The following STX3 variants were observed in gnomAD, a reference collection of about 807,000 sequenced individuals.
The protein encoded by STX3 is syntaxin 3.
In STX3, 19 loss-of-function variants were observed where a neutral mutation model predicts 40.2. That is an observed-to-expected ratio of 0.47 (90% CI 0.33 to 0.69). The LOEUF (loss-of-function observed/expected upper bound fraction) is 0.69, where lower values mean the gene tolerates loss of function less well. STX3 is among the 30% of genes least tolerant of loss of function. The probability of loss-of-function intolerance (pLI) is 0.02; values close to 1 mark genes in which losing one functional copy is unlikely to be tolerated. For missense variants in STX3, 364 were observed against 366.7 expected, an observed-to-expected ratio of 0.99 and a Z score of 0.06; for synonymous variants, 122 against 132.2, an observed-to-expected ratio of 0.92 and a Z score of 0.53.
chr11:59,766,038 GACCAGATAT>G (rs1443446170), intron 1 of STX3, among the ~76,000 whole-genome samples: 1 of 152,192 alleles, frequency 6.6e-6, no homozygotes, highest in African/African-American at 2.4e-5. Context: ...GGAAGTTAAG[GACCAGATAT>G]ACCCTTTCCC....
At chr11:59,800,437 G>C in intron 10 of STX3, 1 of 985,338 alleles carries the variant, frequency 1.0e-6, no homozygotes, top group Non-Finnish European at 1.2e-6. Context: ...TTTTCCATAG[G>C]CTTTTCATTG....
In STX3 at chr11:59,772,689, T is replaced by G. The variant is rs192521478; in HGVS notation, c.31-522T>G. ...CTGTTGCCATGTTTTAGCTGTGTGG[T>G]TTTTGCCAAGTTACCTAACCTCCCT... On this transcript the variant is annotated intron_variant, in intron 1 of 10. Transcript: ENST00000337979. Among the ~76,000 whole-genome samples, 206 of 152,172 alleles carry G rather than the reference T, an allele frequency of 1.4e-3. 2 individuals are homozygous for G. The South Asian group carries it at 0.014, about 11-fold the overall frequency.
intron 1 of STX3, among the ~76,000 whole-genome samples, chr11:59,759,801 T>C: frequency 6.6e-6 from 1 of 152,218 alleles, no homozygotes; most frequent in South Asian, 2.1e-4. Flanking sequence ...TGTGGAATCA[T>C]AGTTCCTTAG....
At chr11:59,790,093 G>A (rs1865028476) in intron 4 of STX3, among the ~76,000 whole-genome samples, 1 of 152,194 alleles carries the variant, frequency 6.6e-6, no homozygotes, top group Non-Finnish European at 1.5e-5. Context: ...GCAGATTCCA[G>A]TAATAACAGT....
intron 9 of STX3, among the ~76,000 whole-genome samples, chr11:59,796,307 C>T (rs1227115524): frequency 2.6e-5 from 4 of 152,214 alleles, no homozygotes; most frequent in African/African-American, 9.7e-5. Context: ...TATTTGCCCA[C>T]CCTCTGGTGC....
chr11:59,782,731 A>G (rs1359777458), intron 2 of STX3, among the ~76,000 whole-genome samples: 1 of 151,980 alleles, frequency 6.6e-6, no homozygotes, highest in East Asian at 1.9e-4. Flanking sequence ...GGTGGCTCAT[A>G]CCTGTAATCC....
chr11:59,801,498 C>T lies in STX3; in HGVS notation c.*674C>T. ...TCTCTCATATTTACTCAAGGAGGGA[C>T]CAGGATGATACAGTCATCTGAGGTT... On this transcript the variant is annotated 3_prime_UTR_variant, in exon 11 of 11. Coordinates refer to ENST00000337979, the MANE Select transcript of STX3 (RefSeq NM_004177.5). The T allele has an allele frequency of 3.0e-6, 3 of 985,604 alleles. No individual in the cohort carries two copies. Among genetic ancestry groups the T allele is most frequent in the Non-Finnish European group, 2.4e-6 (2 of 830,108 alleles). 61.1% of individuals were successfully genotyped at this position (985,604 alleles called of 1,614,324 possible). A position where few individuals can be genotyped will look rare whatever the true frequency, so the allele number is the denominator to read the frequency against.
Position 59,792,994 on chromosome 11 carries a change from G to T in STX3, c.467-105G>T, listed in dbSNP as rs1865292706. On this transcript the variant is annotated intron_variant, in intron 6 of 10. Coordinates refer to ENST00000337979, the MANE Select transcript of STX3 (RefSeq NM_004177.5). ...AGGCAATTGGGGGAGTGTTGTAAAG[G>T]CCACGGTCTTTATAGGGAAGTCACG... The T allele has an allele frequency of 3.6e-6, 4 of 1,122,374 alleles. No individual in the cohort carries two copies. The Admixed American group carries it at 8.1e-5, about 23-fold the overall frequency. 69.5% of individuals were successfully genotyped at this position (1,122,374 alleles called of 1,614,324 possible). A position where few individuals can be genotyped will look rare whatever the true frequency, so the allele number is the denominator to read the frequency against.
chr11:59,762,724 AGGGAAGAAGTGT>A (rs1347792296), intron 1 of STX3, among the ~76,000 whole-genome samples: 1 of 152,030 alleles, frequency 6.6e-6, no homozygotes, highest in African/African-American at 2.4e-5. Context: ...AGTGGAAGAG[AGGGAAGAAGTGT>A]GGGGTGGAGG....
At position 59,801,192 on chromosome 11, in the gene STX3, A is replaced by G. The variant is rs1053879770; in HGVS notation, c.*368A>G. On this transcript the variant is annotated 3_prime_UTR_variant, in exon 11 of 11. Transcript: ENST00000337979. ...CTCTCCCAAGGTGCTGTATTTTTCT[A>G]CCTCATGGAGTATTCTCCCAGAAAC... The G allele has an allele frequency of 4.3e-6, 5 of 1,174,192 alleles. No homozygotes were observed. Among genetic ancestry groups the G allele is most frequent in the African/African-American group, 1.6e-5 (1 of 63,938 alleles). The allele number at this position is 1,174,192 out of a possible 1,614,324, so 72.7% of individuals were successfully genotyped here.
chr11:59,795,958 T>TGCA (rs1465651558), intron 9 of STX3, among the ~76,000 whole-genome samples: 2 of 152,158 alleles, frequency 1.3e-5, no homozygotes, highest in African/African-American at 4.8e-5. Flanking sequence ...GTAGGATGGA[T>TGCA]GCATGGCCCA....
chr11:59,778,583 A>T (rs1346519445), intron 2 of STX3, among the ~76,000 whole-genome samples: 1 of 152,218 alleles, frequency 6.6e-6, no homozygotes, highest in Non-Finnish European at 1.5e-5. Context: ...TTGTTGGGTC[A>T]GTGAAAATGC....
intron 1 of STX3, among the ~76,000 whole-genome samples, chr11:59,760,015 C>T (rs1862947847): frequency 6.6e-6 from 1 of 152,156 alleles, no homozygotes; most frequent in South Asian, 2.1e-4. Context: ...CCTGCCTCCC[C>T]TCTTCTCTGT....
intron 2 of STX3, among the ~76,000 whole-genome samples, chr11:59,774,436 C>A (rs1863839854): frequency 6.8e-6 from 1 of 147,344 alleles, no homozygotes; most frequent in Non-Finnish European, 1.5e-5. Context: ...GAGACCTTGT[C>A]CCCTAAAAAA....
chr11:59,758,085 A>G (rs1305004309), intron 1 of STX3, among the ~76,000 whole-genome samples: 1 of 152,078 alleles, frequency 6.6e-6, no homozygotes, highest in Non-Finnish European at 1.5e-5. Flanking sequence ...GCCTCCCGAT[A>G]ACTGGAGGGC....
rs564871522 is a variant in STX3, at chr11:59,791,973, A to G, written c.358-134A>G. 9.4e-6 allele frequency: 7 copies of G among 745,860 alleles called. No individual in the cohort carries two copies. In the Admixed American group the frequency reaches 1.4e-4, roughly 15 times the overall value. 46.2% of individuals were successfully genotyped at this position (745,860 alleles called of 1,614,324 possible). On this transcript the variant is annotated intron_variant, in intron 5 of 10. Transcript: ENST00000337979. ...CCCAGTGGCACAAAGCTAGGAAACAAAAAACTTGGTTTGACACCTGGTTTT... is the reference window on the plus strand; with the variant it reads ...CCCAGTGGCACAAAGCTAGGAAACAGAAAACTTGGTTTGACACCTGGTTTT...
intron 4 of STX3, 187 bp downstream of exon 4, chr11:59,789,134 T>G (rs528585135): frequency 3.5e-5 from 18 of 518,952 alleles, no homozygotes; most frequent in African/African-American, 3.3e-4. Flanking sequence ...TTTTCTTAAA[T>G]CCTGACTGTA....
At chr11:59,781,158 C>T (rs1864356002) in intron 2 of STX3, among the ~76,000 whole-genome samples, 4 of 145,620 alleles carry the variant, frequency 2.7e-5, no homozygotes, top group Admixed American at 6.9e-5. Flanking sequence ...ATTAATCCAA[C>T]ACACTTTGAA....
intron 2 of STX3, among the ~76,000 whole-genome samples, chr11:59,784,135 C>G (rs1297011601): frequency 6.6e-6 from 1 of 152,174 alleles, no homozygotes; most frequent in Non-Finnish European, 1.5e-5. Context: ...CTAGAAACTT[C>G]CTATCTCTTC....
Sources: gnomAD v4.1 joint callset for allele counts (sites outside exome capture counted in the v4.1 genomes callset) on GRCh38, gnomAD v4.1.1 for gene constraint, MANE v1.5 for transcripts, NCBI Gene and HGNC (gene_info 2026-07-23, HGNC 2026-07-21) for gene names.